Variants in PDE12 observed in about 807,000 individuals in gnomAD.
The protein encoded by PDE12 is 2',5'-phosphodiesterase 12.
Under a neutral mutation model 45.4 loss-of-function variants are expected in PDE12, and 26 were observed. That is an observed-to-expected ratio of 0.57 (90% confidence interval 0.42 to 0.79). The LOEUF (loss-of-function observed/expected upper bound fraction) is 0.79, where lower values mean the gene tolerates loss of function less well. Among genes scored for constraint, PDE12 ranks in the 30% least tolerant of loss-of-function variants. PDE12 has a pLI of 0.00. For synonymous variants in PDE12, 283 were observed against 323.9 expected (o/e 0.87, Z 1.36); for missense variants, 668 against 790.0 (o/e 0.85, Z 1.85).
the PDE12 span, chr3:57,654,866 A>G: frequency 2.4e-6 from 2 of 851,052 alleles, no homozygotes. Flanking sequence ...ATAAATATGT[A>G]AACTTTCATT....
chr3:57,577,451 A>AGGC, the PDE12 span: 1 of 1,328,870 alleles, frequency 7.5e-7, no homozygotes, highest in South Asian at 1.2e-5. Flanking sequence ...GAAACAGTGT[A>AGGC]GGCAGCAAAA....
chr3:57,641,492 G>A, the PDE12 span, among the ~76,000 whole-genome samples: 2 of 150,422 alleles, frequency 1.3e-5, no homozygotes, highest in Middle Eastern at 3.2e-3. Context: ...CATATTATAA[G>A]AGCCTGCATA....
chr3:57,605,341 C>A, the PDE12 span, among the ~76,000 whole-genome samples: 5 of 152,180 alleles, frequency 3.3e-5, no homozygotes, highest in East Asian at 9.6e-4. Context: ...TGAATCTGAG[C>A]AAACTACCCA....
At chr3:57,602,333 A>T in the PDE12 span, among the ~76,000 whole-genome samples, 1 of 152,140 alleles carries the variant, frequency 6.6e-6, no homozygotes, top group Non-Finnish European at 1.5e-5. Context: ...TCTGACTGTA[A>T]TTCACCACTG....
At chr3:57,609,284 GA>G in the PDE12 span, among the ~76,000 whole-genome samples, 1 of 152,090 alleles carries the variant, frequency 6.6e-6, no homozygotes, top group Non-Finnish European at 1.5e-5. Context: ...GAGAAAGCAG[GA>G]AAGGTCTAAA....
chr3:57,624,669 CAGG>C, the PDE12 span, among the ~76,000 whole-genome samples: 1 of 151,300 alleles, frequency 6.6e-6, no homozygotes, highest in South Asian at 2.1e-4. Context: ...GAGGCCGAGG[CAGG>C]AGGACGGCTT....
chr3:57,607,812 T>G, the PDE12 span, among the ~76,000 whole-genome samples: 2 of 152,134 alleles, frequency 1.3e-5, no homozygotes, highest in Non-Finnish European at 2.9e-5. Flanking sequence ...GAAAACACTC[T>G]AAAGGATATT....
chr3:57,624,224 C>T, the PDE12 span, among the ~76,000 whole-genome samples: 6 of 151,882 alleles, frequency 4.0e-5, no homozygotes, highest in East Asian at 5.9e-4. Context: ...GATCTCGGCT[C>T]ACTGCAAGCT....
At chr3:57,645,306 C>T in the PDE12 span, among the ~76,000 whole-genome samples, 17 of 151,748 alleles carry the variant, frequency 1.1e-4, no homozygotes, top group Non-Finnish European at 1.9e-4. Flanking sequence ...ACTAAAAATA[C>T]AAAAATTAGC....
At chr3:57,616,327 A>G in the PDE12 span, among the ~76,000 whole-genome samples, 1 of 151,970 alleles carries the variant, frequency 6.6e-6, no homozygotes, top group Admixed American at 6.6e-5. Context: ...GTCTCAAAGA[A>G]AAAAGAAGAA....
the PDE12 span, among the ~76,000 whole-genome samples, chr3:57,640,250 C>CA: frequency 2.1e-5 from 3 of 142,386 alleles, no homozygotes; most frequent in African/African-American, 7.9e-5. Context: ...GCCTGGGTGA[C>CA]AGAGTGAGAC....
chr3:57,616,477 G>A, the PDE12 span, among the ~76,000 whole-genome samples: 2 of 150,068 alleles, frequency 1.3e-5, no homozygotes, highest in Admixed American at 6.7e-5. Context: ...AAAGAAGGAA[G>A]AAGAAAGAAG....
In PDE12 at chr3:57,563,397, A is replaced by G. The variant is rs2069747153; in HGVS notation, c.*3393A>G. On this transcript the variant is annotated 3_prime_UTR_variant, in exon 3 of 3. Transcript: ENST00000311180. ...TTTAAGTTCTAGTGTACATGTGCCC[A>G]ACGTGCAGATTTGTTACATAGGTAT... The G allele has an allele frequency of 6.6e-6, 1 of 152,092 alleles. No homozygotes were observed. Among genetic ancestry groups the G allele is most frequent in the Non-Finnish European group, 1.5e-5 (1 of 68,032 alleles). 9.4% of individuals were successfully genotyped at this position (152,092 alleles called of 1,614,324 possible).
chr3:57,646,530 T>A, the PDE12 span: 6 of 1,446,130 alleles, frequency 4.1e-6, no homozygotes, highest in Non-Finnish European at 5.5e-6. Flanking sequence ...TCCACATTGA[T>A]ATAAATTCTT....
chr3:57,625,043 G>A, the PDE12 span, among the ~76,000 whole-genome samples: 1 of 152,038 alleles, frequency 6.6e-6, no homozygotes, highest in African/African-American at 2.4e-5. Context: ...AGCTGAGACT[G>A]CAGGCATGTG....
chr3:57,624,073 G>A, the PDE12 span, among the ~76,000 whole-genome samples: 12 of 151,988 alleles, frequency 7.9e-5, no homozygotes, highest in East Asian at 3.9e-4. Flanking sequence ...CTGCAGCCTC[G>A]AACTCCTGGG....
At chr3:57,613,581 C>A in the PDE12 span, among the ~76,000 whole-genome samples, 1 of 151,614 alleles carries the variant, frequency 6.6e-6, no homozygotes, top group Non-Finnish European at 1.5e-5. Flanking sequence ...TGTGAGCCAC[C>A]ATGCCTGGAC....
chr3:57,566,707 G>C lies in PDE12; in HGVS notation c.*6703G>C, dbSNP rs2069789114. The C allele has an allele frequency of 6.6e-6, 1 of 152,078 alleles. No individual in the cohort carries two copies. The highest frequency in any genetic ancestry group is 2.1e-4 in the South Asian group (1 of 4,830). 9.4% of individuals were successfully genotyped at this position (152,078 alleles called of 1,614,324 possible). On this transcript the variant is annotated 3_prime_UTR_variant, in exon 3 of 3. Coordinates refer to ENST00000311180, the MANE Select transcript of PDE12 (RefSeq NM_177966.7). The stretch of plus-strand genomic sequence containing the variant: ...GATTTGCATTTCCATGATGGTTAAC[G>C]ATGTTAAGCATCTTTTCATGTGCTC...
At position 57,557,277 on chromosome 3, in the gene PDE12, T is replaced by TA; in HGVS notation, c.899dup (p.Tyr300Ter). Residue 300 changes from tyrosine to a stop codon, truncating the protein, a stop_gained and frameshift_variant, in exon 1 of 3, where the codon TAC becomes TAAC. Coordinates refer to ENST00000311180, the MANE Select transcript of PDE12 (RefSeq NM_177966.7). LOFTEE classifies it high-confidence loss of function. ...TEDALIRTVS[Y>*]NILADTYAQT... is the part of the protein sequence containing the mutation. ...GGACGCTCTCATCCGCACTGTCTCT[T>TA]ACAACATCCTGGCAGACACGTACGC... The TA allele has an allele frequency of 6.2e-7, 1 of 1,613,880 alleles. No homozygotes were observed. The highest frequency in any genetic ancestry group is 8.5e-7 in the Non-Finnish European group (1 of 1,179,988).
Sources: allele counts gnomAD v4.1 joint callset (sites outside exome capture counted in the v4.1 genomes callset), GRCh38; gene constraint gnomAD v4.1.1; transcripts MANE v1.5; gene names NCBI Gene and HGNC (gene_info 2026-07-23, HGNC 2026-07-21).